EPS15: variants seen among roughly 807,000 people sequenced by gnomAD.
The protein encoded by EPS15 is epidermal growth factor receptor substrate 15.
Under a neutral mutation model 113.8 loss-of-function variants are expected in EPS15, and 72 were observed. The observed-to-expected ratio is 0.63, with a 90% CI of 0.52 to 0.77. EPS15 has a LOEUF of 0.77. EPS15 is among the 30% of genes least tolerant of loss of function. EPS15 has a pLI of 0.00. For missense variants in EPS15, 1,048 were observed against 1,045.8 expected (o/e 1.00, Z -0.03); for synonymous variants, 344 against 363.4 (o/e 0.95, Z 0.61).
chr1:51,428,431 A>C (rs1165515934), intron 12 of EPS15, among the ~76,000 whole-genome samples: 1 of 152,230 alleles, frequency 6.6e-6, no homozygotes, highest in Non-Finnish European at 1.5e-5. Flanking sequence ...AAAAGAATTT[A>C]TGAATCTGTT....
intron 21 of EPS15, among the ~76,000 whole-genome samples, chr1:51,382,829 A>C (rs1224481371): frequency 6.6e-6 from 1 of 152,238 alleles, no homozygotes; most frequent in Non-Finnish European, 1.5e-5. Context: ...AATCAAAACC[A>C]GTCTCCCTCA....
At chr1:51,359,443 TAAAAA>T (rs148380501) in intron 24 of EPS15, among the ~76,000 whole-genome samples, 5 of 104,058 alleles carry the variant, frequency 4.8e-5, no homozygotes, top group Non-Finnish European at 9.7e-5. Flanking sequence ...ACTCTGTCTT[TAAAAA>T]AAAAAAAAAA....
At chr1:51,424,495 A>G (rs974648978) in intron 12 of EPS15, among the ~76,000 whole-genome samples, 2 of 152,250 alleles carry the variant, frequency 1.3e-5, no homozygotes, top group Non-Finnish European at 2.9e-5. Context: ...CTAGTAATTT[A>G]AAAGCAATTC....
At chr1:51,450,851 G>A (rs1326793823) in intron 8 of EPS15, among the ~76,000 whole-genome samples, 1 of 151,452 alleles carries the variant, frequency 6.6e-6, no homozygotes, top group Non-Finnish European at 1.5e-5. Flanking sequence ...GGGAAGTTAA[G>A]GTAAAAAAAT....
chr1:51,390,597 A>G (rs561309185), intron 21 of EPS15, among the ~76,000 whole-genome samples: 103 of 152,090 alleles, frequency 6.8e-4, no homozygotes, highest in African/African-American at 2.3e-3. Flanking sequence ...AGAATCTACA[A>G]TGAACTCAAA....
At chr1:51,504,627 A>T (rs894625216) in intron 1 of EPS15, among the ~76,000 whole-genome samples, 1 of 152,222 alleles carries the variant, frequency 6.6e-6, no homozygotes, top group Non-Finnish European at 1.5e-5. Flanking sequence ...TCTAAAGAAG[A>T]CATACAAATG....
intron 15 of EPS15, among the ~76,000 whole-genome samples, chr1:51,407,244 G>A (rs769174721): frequency 4.5e-4 from 68 of 151,730 alleles, no homozygotes; most frequent in South Asian, 8.4e-4. Flanking sequence ...GTTGCCCAGG[G>A]TGGAGTGCAG....
At chr1:51,358,740 G>A (rs571513877) in intron 24 of EPS15, among the ~76,000 whole-genome samples, 8 of 132,670 alleles carry the variant, frequency 6.0e-5, no homozygotes, top group South Asian at 2.3e-4. Context: ...GCGGAGTCTC[G>A]CTCTGTAACT....
At chr1:51,428,472 T>C (rs1372064213) in intron 12 of EPS15, among the ~76,000 whole-genome samples, 2 of 151,280 alleles carry the variant, frequency 1.3e-5, no homozygotes, top group African/African-American at 4.9e-5. Flanking sequence ...AGATATAGTT[T>C]GTGACATCAA....
intron 2 of EPS15, among the ~76,000 whole-genome samples, chr1:51,479,384 T>C: frequency 6.6e-6 from 1 of 152,220 alleles, no homozygotes; most frequent in East Asian, 1.9e-4. Flanking sequence ...TTAGCTTCTT[T>C]GCAATGGGTT....
chr1:51,357,473 A>T (rs1275850228), intron 24 of EPS15, among the ~76,000 whole-genome samples: 2 of 140,446 alleles, frequency 1.4e-5, no homozygotes, highest in South Asian at 2.2e-4. Context: ...TCTCACTAAA[A>T]AAAGTAGAAA....
rs929729667 is a variant in EPS15 at position 51,355,371 on chromosome 1, T to A, written c.*1329A>T. 1 of 208,432 alleles carries A rather than the reference T, an allele frequency of 4.8e-6. No homozygotes were observed. Among genetic ancestry groups the A allele is most frequent in the African/African-American group, 2.3e-5 (1 of 44,004 alleles). The allele number at this position is 208,432 out of a possible 1,614,324, so 12.9% of individuals were successfully genotyped here. A position where few individuals can be genotyped will look rare whatever the true frequency, so the allele number is the denominator to read the frequency against. On this transcript the variant is annotated 3_prime_UTR_variant, in exon 25 of 25. Transcript: ENST00000371733. ...AGGTGCATTTTTCTTTATCTTGGTA[T>A]TTAATACATCATCTAAGTCAGTAAC...
At chr1:51,496,983 TAATA>T (rs908084804) in intron 1 of EPS15, among the ~76,000 whole-genome samples, 10 of 152,184 alleles carry the variant, frequency 6.6e-5, no homozygotes, top group African/African-American at 2.4e-4. Flanking sequence ...ACATAGAAGA[TAATA>T]AATATTTTAT....
intron 12 of EPS15, 127 bp downstream of exon 12, chr1:51,440,220 T>C (rs1041430265): frequency 2.4e-6 from 1 of 415,118 alleles, no homozygotes; most frequent in Non-Finnish European, 4.3e-6. Context: ...TATCAAAATA[T>C]ACATTAGAAA....
At chr1:51,481,993 G>A (rs945760593) in intron 1 of EPS15, among the ~76,000 whole-genome samples, 1 of 152,060 alleles carries the variant, frequency 6.6e-6, no homozygotes, top group South Asian at 2.1e-4. Flanking sequence ...ATCACAGTGA[G>A]ACCTCGTCTT....
At chr1:51,365,874 A>G (rs781146618) in intron 22 of EPS15, 79 bp downstream of exon 22, 2 of 882,706 alleles carry the variant, frequency 2.3e-6, no homozygotes, top group South Asian at 1.7e-5. Flanking sequence ...TTGTGAGAGG[A>G]CTATATAATT....
At chr1:51,484,452 C>T (rs533487447) in intron 1 of EPS15, among the ~76,000 whole-genome samples, 2 of 152,042 alleles carry the variant, frequency 1.3e-5, no homozygotes, top group East Asian at 3.9e-4. Flanking sequence ...TTTAAAAAAA[C>T]TATTATCAAT....
chr1:51,492,945 C>G (rs1376886372), intron 1 of EPS15, among the ~76,000 whole-genome samples: 2 of 152,160 alleles, frequency 1.3e-5, no homozygotes, highest in African/African-American at 4.8e-5. Context: ...ACAAAAACAA[C>G]AGCCGGGCGC....
intron 8 of EPS15, among the ~76,000 whole-genome samples, chr1:51,453,288 T>C (rs574864007): frequency 1.5e-4 from 23 of 152,204 alleles, no homozygotes; most frequent in Non-Finnish European, 2.2e-4. Flanking sequence ...CTGCTGCCAA[T>C]AGACAACACA....
Sources: allele counts gnomAD v4.1 joint callset (sites outside exome capture counted in the v4.1 genomes callset), GRCh38; gene constraint gnomAD v4.1.1; transcripts MANE v1.5; gene names NCBI Gene and HGNC (gene_info 2026-07-23, HGNC 2026-07-21).